The following ZNF426 variants were observed in gnomAD, a reference collection of about 807,000 sequenced individuals.
ZNF426 encodes zinc finger protein 426.
Under a neutral mutation model 24.0 loss-of-function variants are expected in ZNF426, and 23 were observed. That is an observed-to-expected ratio of 0.96 (90% CI 0.69 to 1.36). The LOEUF is 1.36. ZNF426 is among the 40% of genes most tolerant of loss of function. ZNF426 has a pLI of 0.00. For missense variants in ZNF426, 646 were observed against 658.4 expected, an observed-to-expected ratio of 0.98 and a Z score of 0.21; for synonymous variants, 272 against 224.6, an observed-to-expected ratio of 1.21 and a Z score of -1.89.
chr19:9,534,113 C>T (rs1202953729), intron 4 of ZNF426, 147 bp from the exon 5 acceptor site: 9 of 1,020,960 alleles, frequency 8.8e-6, no homozygotes, highest in Non-Finnish European at 1.3e-5. Flanking sequence ...AGAAACTCCT[C>T]GCACCCTAAA....
intron 3 of ZNF426, 103 bp from the exon 4 acceptor site, chr19:9,535,382 G>T (rs2144777987): frequency 1.3e-6 from 1 of 775,960 alleles, no homozygotes; most frequent in Non-Finnish European, 2.1e-6. Flanking sequence ...ATATATTCCT[G>T]CAAAATCAGG....
intron 4 of ZNF426, among the ~76,000 whole-genome samples, chr19:9,534,202 C>T (rs1355154217): frequency 1.1e-4 from 16 of 152,080 alleles, no homozygotes; most frequent in Admixed American, 3.3e-4. Flanking sequence ...CACAACCAGA[C>T]TAGGAGATCT....
intron 7 of ZNF426, 46 bp from the exon 8 acceptor site, chr19:9,529,682 T>G (rs1230039135): frequency 1.3e-6 from 2 of 1,517,500 alleles, no homozygotes; most frequent in South Asian, 2.5e-5. Flanking sequence ...TCAAACATAT[T>G]AACAGAACAT....
intron 4 of ZNF426, among the ~76,000 whole-genome samples, 196 bp downstream of exon 4, chr19:9,534,991 CT>C (rs780357753): frequency 2.1e-4 from 32 of 149,770 alleles, no homozygotes; most frequent in Non-Finnish European, 3.4e-4. Context: ...ACTTTATTTG[CT>C]TTAAGAAGCC....
chr19:9,528,402 C>T lies in ZNF426; in HGVS notation c.1643G>A (p.Arg548Gln), dbSNP rs1470757629. The change falls in exon 8 of 8, where the codon CGA becomes CAA. Residue 548 changes from arginine (R) to glutamine (Q), a missense_variant. Coordinates refer to ENST00000253115, the MANE Select transcript of ZNF426 (RefSeq NM_024106.3). Reference sequence around the variant, plus strand: ...TCACTAGTGAATTTGTTCATGTCTTCGAAGTGAACGGGGATGACTGTAAGC... The same window carrying T: ...TCACTAGTGAATTTGTTCATGTCTTTGAAGTGAACGGGGATGACTGTAAGC... ...GKAYSHPRSL[R>Q]RHEQIH The T allele has an allele frequency of 7.6e-6, 12 of 1,583,486 alleles. No homozygotes were observed. The highest frequency in any genetic ancestry group is 2.7e-5 in the African/African-American group (2 of 73,316).
At chr19:9,530,953 G>A (rs1206626212) in intron 7 of ZNF426, 32 bp downstream of exon 7, 16 of 1,544,186 alleles carry the variant, frequency 1.0e-5, no homozygotes, top group Non-Finnish European at 1.3e-5. Context: ...CTCTGAGGGT[G>A]GAAAATAAAA....
At chr19:9,537,554 T>A (rs898772999) in intron 2 of ZNF426, among the ~76,000 whole-genome samples, 1 of 151,234 alleles carries the variant, frequency 6.6e-6, no homozygotes, top group Non-Finnish European at 1.5e-5. Context: ...CCTCTCAAAG[T>A]GCTGGGATCA....
rs1377856211 is a variant in ZNF426 at position 9,525,930 on chromosome 19, T to C, written c.*2450A>G. 6.6e-6 allele frequency: 1 copy of C among 152,184 alleles called. No homozygotes were observed. The highest frequency in any genetic ancestry group is 2.4e-5 in the African/African-American group (1 of 41,400). 9.4% of individuals were successfully genotyped at this position (152,184 alleles called of 1,614,324 possible). On this transcript the variant is annotated 3_prime_UTR_variant, in exon 8 of 8. Coordinates refer to ENST00000253115, the MANE Select transcript of ZNF426 (RefSeq NM_024106.3). ...GTCATGAACTCCCAACCTCAGGTGA[T>C]CCACCTGCCTTGGCCTCCCAAAGTG...
rs1370169444 is a variant in ZNF426 at position 9,536,310 on chromosome 19, G to A, written c.-78C>T. ...TTCAGGACACCTCATTAATCTAAATGGACAGTGGCAATCTCCATTCCTCTT... is the reference window on the plus strand; with the variant it reads ...TTCAGGACACCTCATTAATCTAAATAGACAGTGGCAATCTCCATTCCTCTT... On this transcript the variant is annotated 5_prime_UTR_variant, in exon 3 of 8. Transcript: ENST00000253115. The A allele has an allele frequency of 6.2e-7, 1 of 1,613,500 alleles. No individual in the cohort carries two copies. Among genetic ancestry groups the A allele is most frequent in the East Asian group, 2.2e-5 (1 of 44,882 alleles).
At chr19:9,533,390 A>G (rs2073917377) in intron 5 of ZNF426, among the ~76,000 whole-genome samples, 2 of 152,232 alleles carry the variant, frequency 1.3e-5, no homozygotes, top group South Asian at 4.1e-4. Context: ...CAGGAGGCAG[A>G]GATTGCAGTG....
chr19:9,528,689 T>C lies in ZNF426; in HGVS notation c.1356A>G (p.Glu452=). 6.2e-7 allele frequency: 1 copy of C among 1,614,220 alleles called. No individual in the cohort carries two copies. The highest frequency in any genetic ancestry group is 8.5e-7 in the Non-Finnish European group (1 of 1,180,028). ...HSAQKPYTCK[E]CGKAFNYSTH... The stretch of plus-strand genomic sequence containing the variant: ...TGGAATAGTTAAAAGCCTTCCCACA[T>C]TCCTTACAGGTGTATGGTTTCTGGG... The change falls in exon 8 of 8, where the codon GAA becomes GAG. Residue 452 remains glutamate (E), a synonymous_variant. Coordinates refer to ENST00000253115, the MANE Select transcript of ZNF426 (RefSeq NM_024106.3).
Position 9,527,531 on chromosome 19 carries a change from T to C in ZNF426, c.*849A>G, listed in dbSNP as rs2073808168. 6.6e-6 allele frequency: 1 copy of C among 152,232 alleles called. No homozygotes were observed. Among genetic ancestry groups the C allele is most frequent in the African/African-American group, 2.4e-5 (1 of 41,460 alleles). 9.4% of individuals were successfully genotyped at this position (152,232 alleles called of 1,614,324 possible). On this transcript the variant is annotated 3_prime_UTR_variant, in exon 8 of 8. Transcript: ENST00000253115. ...GGCTTTTTCATGCTCCTTACATTCA[T>C]ACAATTTCTCTCCTATGTGATTTCT...
rs373855428 is a variant in ZNF426, at chr19:9,528,967, C to G, written c.1078G>C (p.Gly360Arg). 3.7e-6 allele frequency: 6 copies of G among 1,613,844 alleles called. No individual in the cohort carries two copies. The African/African-American group carries it at 6.7e-5, about 18-fold the overall frequency. Residue 360 changes from glycine to arginine, a missense_variant, in exon 8 of 8, where the codon GGA (glycine) becomes CGA (arginine). By Grantham distance (125) the Gly-to-Arg change is moderately radical. Transcript: ENST00000253115. ...TCCTTACATTCATAGGGCTTGTCTC[C>G]ACTGTGAGATCGTACATGCATACTA... The part of the protein sequence containing the change: ...GLSMHVRSHS[G>R]DKPYECKECG...
chr19:9,529,694 C>T, intron 7 of ZNF426, 58 bp from the exon 8 acceptor site: 2 of 1,477,038 alleles, frequency 1.4e-6, no homozygotes, highest in East Asian at 4.5e-5. Context: ...ACAGAACATA[C>T]CCATCTGAAG....
Position 9,535,227 on chromosome 19 carries a change from T to C in ZNF426, c.78A>G (p.Ala26=). The C allele has an allele frequency of 6.2e-7, 1 of 1,613,828 alleles. No individual in the cohort carries two copies. The highest frequency in any genetic ancestry group is 8.5e-7 in the Non-Finnish European group (1 of 1,179,782). ...PVCLHEEKTP[A]GRIVADCLTD... ...TTAGGCAGTCAGCCACTATTCTTCC[T>C]GCTGGTGTCTTTTCTTCATGAAGGC... The change falls in exon 4 of 8, where the codon GCA becomes GCG. Residue 26 remains alanine, a synonymous_variant. Transcript: ENST00000253115.
intron 4 of ZNF426, 34 bp downstream of exon 4, chr19:9,535,154 T>C (rs1201842220): frequency 1.9e-6 from 3 of 1,538,514 alleles, no homozygotes; most frequent in African/African-American, 1.4e-5. Flanking sequence ...GATGCAAGTA[T>C]GTCACTATGT....
chr19:9,534,250 G>C (rs2073931763), intron 4 of ZNF426, among the ~76,000 whole-genome samples: 1 of 152,082 alleles, frequency 6.6e-6, no homozygotes, highest in Admixed American at 6.6e-5. Flanking sequence ...CTGTTGCCCA[G>C]GCTGGAGTGC....
At chr19:9,532,440 G>A (rs1568485110) in intron 6 of ZNF426, among the ~76,000 whole-genome samples, 2 of 151,526 alleles carry the variant, frequency 1.3e-5, no homozygotes, top group Admixed American at 6.6e-5. Flanking sequence ...GGGACAGCAG[G>A]TGCGTCCCAC....
In ZNF426 at chr19:9,524,099, C is replaced by T. The variant is rs1462810606; in HGVS notation, c.*4281G>A. The T allele has an allele frequency of 6.5e-6, 1 of 154,142 alleles. No homozygotes were observed. The highest frequency in any genetic ancestry group is 1.9e-4 in the East Asian group (1 of 5,344). The allele number at this position is 154,142 out of a possible 1,614,324, so 9.5% of individuals were successfully genotyped here. A position where few individuals can be genotyped will look rare whatever the true frequency, so the allele number is the denominator to read the frequency against. ...GGCAGGCAAGGGCTTTCCCACATTC[C>T]TTACATCAATATGGCTTCTCTCCAC... On this transcript the variant is annotated 3_prime_UTR_variant, in exon 8 of 8. Coordinates refer to ENST00000253115, the MANE Select transcript of ZNF426 (RefSeq NM_024106.3).
Sources: allele counts gnomAD v4.1 joint callset (sites outside exome capture counted in the v4.1 genomes callset), GRCh38; gene constraint gnomAD v4.1.1; transcripts MANE v1.5; gene names NCBI Gene and HGNC (gene_info 2026-07-23, HGNC 2026-07-21).